Variants in ZNF440 observed in about 807,000 individuals in gnomAD.
ZNF440 encodes zinc finger protein 440.
ZNF440 carries 47 observed loss-of-function variants against 49.7 expected under a neutral mutation model. That is an observed-to-expected ratio of 0.95 (90% CI 0.75 to 1.21). The LOEUF is 1.21. Among genes scored for constraint, ZNF440 ranks in the 50% most tolerant of loss-of-function variants. The probability of loss-of-function intolerance (pLI) is 0.00; values close to 1 mark genes in which losing one functional copy is unlikely to be tolerated. For synonymous variants in ZNF440, 255 were observed against 237.7 expected, an observed-to-expected ratio of 1.07 and a Z score of -0.67; for missense variants, 703 against 715.0, an observed-to-expected ratio of 0.98 and a Z score of 0.19.
At position 11,832,274 on chromosome 19, in the gene ZNF440, A is replaced by G. The variant is rs993701377; in HGVS notation, c.1098A>G (p.Lys366=). 3.1e-6 allele frequency: 5 copies of G among 1,613,920 alleles called. No homozygotes were observed. Among genetic ancestry groups the G allele is most frequent in the Non-Finnish European group, 4.2e-6 (5 of 1,180,006 alleles). ...QRHEKIHSGE[K]PYKCKQCGKA... is the part of the protein sequence containing the mutation. ...ATGAAAAAATTCACAGTGGAGAGAA[A>G]CCCTATAAATGTAAGCAGTGTGGTA... Residue 366 remains lysine (K), a synonymous_variant, in exon 4 of 4, where the codon AAA becomes AAG. Coordinates refer to ENST00000304060, the MANE Select transcript of ZNF440 (RefSeq NM_152357.3).
At position 11,829,317 on chromosome 19, in the gene ZNF440, A is replaced by T. The variant is rs949635834; in HGVS notation, c.4-966A>T. ...ATGGAAGTTTCTTTCTACCTAGGTG[A>T]TTCCCCTCCTCTCTGCTTATATCTA... On this transcript the variant is annotated intron_variant, in intron 1 of 3. Transcript: ENST00000304060. Among the ~76,000 whole-genome samples the T allele has an allele frequency of 3.3e-5, 5 of 149,968 alleles. No homozygotes were observed. In the Admixed American group the frequency reaches 3.4e-4, roughly 10 times the overall value.
intron 1 of ZNF440, among the ~76,000 whole-genome samples, chr19:11,820,206 C>G (rs1002787204): frequency 7.9e-5 from 12 of 151,950 alleles, no homozygotes; most frequent in Admixed American, 7.9e-4. Flanking sequence ...TTCCATACAC[C>G]CTCGTATCCT....
intron 1 of ZNF440, among the ~76,000 whole-genome samples, chr19:11,826,252 CTGAGA>C (rs1261191295): frequency 6.6e-6 from 1 of 152,062 alleles, no homozygotes; most frequent in Non-Finnish European, 1.5e-5. Flanking sequence ...ACATGGGAGA[CTGAGA>C]TGAGATTGCT....
At chr19:11,831,293 A>C in intron 3 of ZNF440, 75 bp from the exon 4 acceptor site, 1 of 1,526,060 alleles carries the variant, frequency 6.6e-7, no homozygotes, top group Non-Finnish European at 8.8e-7. Flanking sequence ...TTAAAAATGC[A>C]AGTGCAATAC....
intron 1 of ZNF440, chr19:11,816,301 T>C (rs1382966538): frequency 6.6e-6 from 1 of 152,252 alleles, no homozygotes; most frequent in Non-Finnish European, 1.5e-5. Context: ...GGGGGTCTGT[T>C]ATCTGCCACT....
At position 11,832,821 on chromosome 19, in the gene ZNF440, GGAAAGCCTTCA is replaced by G. The variant is rs1975969412; in HGVS notation, c.1648_1658del (p.Lys550SerfsTer6). 6.2e-7 allele frequency: 1 copy of G among 1,613,896 alleles called. No homozygotes were observed. The highest frequency in any genetic ancestry group is 8.5e-7 in the Non-Finnish European group (1 of 1,180,004). On this transcript the variant is annotated frameshift_variant, in exon 4 of 4. Transcript: ENST00000304060. LOFTEE classifies it high-confidence loss of function. ...AAACCCTATGAGTGTGAGCAATGAC[GGAAAGCCTTCA>G]GATCTGCCCCACACCTTTGAATACG...
chr19:11,823,722 G>A (rs1049950963), intron 1 of ZNF440, among the ~76,000 whole-genome samples: 4 of 152,246 alleles, frequency 2.6e-5, no homozygotes, highest in Middle Eastern at 3.4e-3. Flanking sequence ...CCAATATTTG[G>A]GAGGCCGAGG....
At position 11,832,201 on chromosome 19, in the gene ZNF440, G is replaced by A; in HGVS notation, c.1025G>A (p.Cys342Tyr). 1.2e-6 allele frequency: 2 copies of A among 1,614,168 alleles called. No individual in the cohort carries two copies. Among genetic ancestry groups the A allele is most frequent in the Non-Finnish European group, 1.7e-6 (2 of 1,180,028 alleles). ...RLHSGERPYE[C>Y]KICGKDFCSV... Reference sequence around the variant, plus strand: ...CACTCTGGAGAAAGACCTTATGAATGTAAGATATGTGGAAAAGACTTTTGT... The same window carrying A: ...CACTCTGGAGAAAGACCTTATGAATATAAGATATGTGGAAAAGACTTTTGT... Residue 342 changes from cysteine to tyrosine, a missense_variant, in exon 4 of 4, where the codon TGT becomes TAT. Cys to Tyr is a radical substitution (Grantham distance 194, BLOSUM62 -2). Coordinates refer to ENST00000304060, the MANE Select transcript of ZNF440 (RefSeq NM_152357.3).
At chr19:11,822,885 T>TG (rs1165023521) in intron 1 of ZNF440, among the ~76,000 whole-genome samples, 3 of 149,740 alleles carry the variant, frequency 2.0e-5, no homozygotes, top group African/African-American at 7.4e-5. Flanking sequence ...CACAATTTGC[T>TG]TTTTCCATTG....
Position 11,831,800 on chromosome 19 carries a change from A to C in ZNF440, c.624A>C (p.Ala208=), listed in dbSNP as rs394416. 694,845 of 1,613,810 alleles carry C rather than the reference A, an allele frequency of 0.43. 155,562 individuals carry two copies. Among genetic ancestry groups the C allele is most frequent in the African/African-American group, 0.81 (60,433 of 74,930 alleles). ...ATAAATGTAAGTTTTGTGGGAAAGC[A>C]TTCCATTGTCTCAGATTATATCTTA... is the stretch of plus-strand genomic sequence containing the variant. The part of the protein sequence containing the change: ...GPYKCKFCGK[A]FHCLRLYLIH... The change falls in exon 4 of 4, where the codon GCA becomes GCC. Residue 208 remains alanine, a synonymous_variant. Transcript: ENST00000304060.
At chr19:11,824,768 C>T (rs572895806) in intron 1 of ZNF440, among the ~76,000 whole-genome samples, 1 of 143,024 alleles carries the variant, frequency 7.0e-6, no homozygotes, top group South Asian at 2.3e-4. Context: ...AGTGCAGTGG[C>T]ATGATCTCGG....
At position 11,821,601 on chromosome 19, in the gene ZNF440, A is replaced by G. The variant is rs530099470; in HGVS notation, c.3+7151A>G. On this transcript the variant is annotated intron_variant, in intron 1 of 3. Coordinates refer to ENST00000304060, the MANE Select transcript of ZNF440 (RefSeq NM_152357.3). Reference sequence around the variant, plus strand: ...GGGGGCACACAGGGGGGTATAGTGCAGTGTTGGTGGAAAGTAGTCATTGAG... The same window carrying G: ...GGGGGCACACAGGGGGGTATAGTGCGGTGTTGGTGGAAAGTAGTCATTGAG... Among the ~76,000 whole-genome samples, 71 of 152,266 alleles carry G rather than the reference A, an allele frequency of 4.7e-4. 1 individual carries two copies. Among genetic ancestry groups the G allele is most frequent in the African/African-American group, 1.4e-3 (57 of 41,546 alleles).
chr19:11,825,823 T>C (rs1163969020), intron 1 of ZNF440, among the ~76,000 whole-genome samples: 1 of 149,608 alleles, frequency 6.7e-6, no homozygotes, highest in African/African-American at 2.5e-5. Context: ...TTTTCTTTTT[T>C]TTTTTTTTTG....
intron 1 of ZNF440, among the ~76,000 whole-genome samples, chr19:11,827,360 C>T (rs1032645706): frequency 2.5e-4 from 38 of 152,174 alleles, no homozygotes; most frequent in African/African-American, 8.9e-4. Flanking sequence ...CCGCACCCAG[C>T]GTTTTGCTTA....
chr19:11,829,622 A>G (rs1311934996), intron 1 of ZNF440, among the ~76,000 whole-genome samples: 1 of 152,102 alleles, frequency 6.6e-6, no homozygotes, highest in Non-Finnish European at 1.5e-5. Flanking sequence ...CGGTAAATAC[A>G]TTTCCTATCC....
At chr19:11,828,481 G>C (rs1975893603) in intron 1 of ZNF440, among the ~76,000 whole-genome samples, 1 of 152,166 alleles carries the variant, frequency 6.6e-6, no homozygotes, top group Admixed American at 6.5e-5. Flanking sequence ...CACCATGCCT[G>C]GCTGCTACCA....
intron 1 of ZNF440, 54 bp from the exon 2 acceptor site, chr19:11,830,229 C>T: frequency 6.2e-7 from 1 of 1,609,220 alleles, no homozygotes; most frequent in Non-Finnish European, 8.5e-7. Context: ...AGAGTCTAGG[C>T]CCCCAGTGCT....
At position 11,833,776 on chromosome 19, in the gene ZNF440, C is replaced by A; in HGVS notation, c.*812C>A. On this transcript the variant is annotated 3_prime_UTR_variant, in exon 4 of 4. Coordinates refer to ENST00000304060, the MANE Select transcript of ZNF440 (RefSeq NM_152357.3). ...CAATGTGGGAAAGCCTTCAGATCAGCCTCGCACCTTCAAATGCATGGAAGG... is the reference window on the plus strand; with the variant it reads ...CAATGTGGGAAAGCCTTCAGATCAGACTCGCACCTTCAAATGCATGGAAGG... The A allele has an allele frequency of 1.2e-6, 1 of 843,466 alleles. No homozygotes were observed. The highest frequency in any genetic ancestry group is 1.8e-5 in the South Asian group (1 of 54,382). The allele number at this position is 843,466 out of a possible 1,614,324, so 52.2% of individuals were successfully genotyped here.
In ZNF440 at chr19:11,831,818, A is replaced by G. The variant is rs377570810; in HGVS notation, c.642A>G (p.Leu214=). 6.2e-7 allele frequency: 1 copy of G among 1,609,330 alleles called. No individual in the cohort carries two copies. Among genetic ancestry groups the G allele is most frequent in the South Asian group, 1.1e-5 (1 of 90,746 alleles). Residue 214 remains leucine (L), a synonymous_variant, in exon 4 of 4, where the codon TTA becomes TTG. Coordinates refer to ENST00000304060, the MANE Select transcript of ZNF440 (RefSeq NM_152357.3). ...FCGKAFHCLR[L]YLIHERIHTG... The stretch of plus-strand genomic sequence containing the variant: ...GGAAAGCATTCCATTGTCTCAGATT[A>G]TATCTTATCCATGAAAGAATTCACA...
Sources: allele counts gnomAD v4.1 joint callset (sites outside exome capture counted in the v4.1 genomes callset), GRCh38; gene constraint gnomAD v4.1.1; transcripts MANE v1.5; gene names NCBI Gene and HGNC (gene_info 2026-07-23, HGNC 2026-07-21).